Variants in MTREX observed in about 807,000 individuals in gnomAD.
MTREX encodes the protein Mtr4 exosome RNA helicase.
In MTREX, 76 loss-of-function variants were observed where a neutral mutation model predicts 135.4. That is an observed-to-expected ratio of 0.56 (90% CI 0.47 to 0.68). The LOEUF is 0.68. Ranked by LOEUF, MTREX falls within the 30% of genes least tolerant of loss-of-function variation. The pLI is 0.00. For missense variants in MTREX, 920 were observed against 1,262.1 expected, an observed-to-expected ratio of 0.73 and a Z score of 4.11; for synonymous variants, 404 against 401.6, an observed-to-expected ratio of 1.01 and a Z score of -0.07.
At chr5:55,374,469 A>T (rs1470614219) in intron 16 of MTREX, among the ~76,000 whole-genome samples, 1 of 151,790 alleles carries the variant, frequency 6.6e-6, no homozygotes, top group African/African-American at 2.4e-5. Context: ...TTATTTTTGT[A>T]GAGATGGAAT....
chr5:55,389,629 G>T (rs10054340), intron 19 of MTREX, among the ~76,000 whole-genome samples: 21,340 of 152,038 alleles, frequency 0.14, 1,894 homozygotes, highest in East Asian at 0.26. Context: ...GAAGTAGTGA[G>T]ATTTTAACAA....
At chr5:55,423,028 T>A in intron 26 of MTREX, 46 bp downstream of exon 26, 1 of 1,499,454 alleles carries the variant, frequency 6.7e-7, no homozygotes, top group Non-Finnish European at 9.2e-7. Context: ...ACAAATTTGG[T>A]GAAGCAAATC....
At chr5:55,422,459 A>G (rs1579907763) in intron 25 of MTREX, among the ~76,000 whole-genome samples, 1 of 152,266 alleles carries the variant, frequency 6.6e-6, no homozygotes, top group South Asian at 2.1e-4. Context: ...ATGCCTCACT[A>G]GGCCACACTC....
At chr5:55,403,000 C>G (rs968908894) in intron 21 of MTREX, among the ~76,000 whole-genome samples, 20 of 151,330 alleles carry the variant, frequency 1.3e-4, no homozygotes, top group African/African-American at 4.6e-4. Flanking sequence ...AAGTTTGAGA[C>G]CACCCTGGAC....
intron 15 of MTREX, among the ~76,000 whole-genome samples, chr5:55,360,021 C>T (rs1295485267): frequency 6.6e-6 from 1 of 152,138 alleles, no homozygotes; most frequent in African/African-American, 2.4e-5. Context: ...GTCACCATCA[C>T]CACAATCAAT....
intron 19 of MTREX, among the ~76,000 whole-genome samples, chr5:55,388,606 G>T (rs906943479): frequency 6.6e-6 from 1 of 152,172 alleles, no homozygotes; most frequent in Non-Finnish European, 1.5e-5. Flanking sequence ...ATGTAAGCCA[G>T]TGTAAGTGTT....
intron 12 of MTREX, 27 bp from the exon 13 acceptor site, chr5:55,350,891 TA>T: frequency 6.6e-7 from 1 of 1,516,792 alleles, no homozygotes; most frequent in Non-Finnish European, 9.0e-7. Context: ...CACATCATTA[TA>T]AAATCAGTGT....
At chr5:55,371,648 C>T (rs984100602) in intron 16 of MTREX, among the ~76,000 whole-genome samples, 6 of 152,092 alleles carry the variant, frequency 3.9e-5, no homozygotes, top group African/African-American at 1.4e-4. Context: ...AGTTAATTTG[C>T]TTCATAGTGG....
intron 16 of MTREX, among the ~76,000 whole-genome samples, chr5:55,368,210 G>C (rs1024066346): frequency 4.6e-5 from 7 of 152,030 alleles, no homozygotes; most frequent in African/African-American, 1.7e-4. Flanking sequence ...AGCACTTTGC[G>C]AGGCCCAGGG....
rs753067859 is a variant in MTREX at position 55,327,703 on chromosome 5, A to G, written c.340-13A>G. The G allele has an allele frequency of 4.4e-6, 7 of 1,601,078 alleles. No homozygotes were observed. Among genetic ancestry groups the G allele is most frequent in the Non-Finnish European group, 6.0e-6 (7 of 1,173,580 alleles). On this transcript the variant is annotated splice_polypyrimidine_tract_variant and intron_variant, in intron 3 of 26. Coordinates refer to ENST00000230640, the MANE Select transcript of MTREX (RefSeq NM_015360.5). ...TTGGTGAGGTTTTTTTTTCTTTTTTACTTTGTTGTCAGGTTGCACTTCCTG... is the reference window on the plus strand; with the variant it reads ...TTGGTGAGGTTTTTTTTTCTTTTTTGCTTTGTTGTCAGGTTGCACTTCCTG...
At chr5:55,417,972 C>T (rs963429432) in intron 25 of MTREX, among the ~76,000 whole-genome samples, 7 of 150,464 alleles carry the variant, frequency 4.7e-5, no homozygotes, top group Admixed American at 4.0e-4. Context: ...CGGTGGCTTA[C>T]GCCGGTAATC....
chr5:55,352,782 G>C (rs1198972612), intron 13 of MTREX, among the ~76,000 whole-genome samples: 1 of 152,112 alleles, frequency 6.6e-6, no homozygotes, highest in Non-Finnish European at 1.5e-5. Flanking sequence ...TCTTCCTTGA[G>C]AGATCTTCTA....
rs148934468 is a variant in MTREX at position 55,392,857 on chromosome 5, A to G, written c.2182-4559A>G. 1.5e-3 allele frequency among the ~76,000 whole-genome samples: 223 copies of G among 152,270 alleles called. 5 individuals carry two copies. The highest frequency in any genetic ancestry group is 5.8e-3 in the East Asian group (30 of 5,192). ...TAACCTGTTGTTTCTCCCAGCTGTC[A>G]TTCACAACCTCAGGCAGCCATGGTG... On this transcript the variant is annotated intron_variant, in intron 19 of 26. Transcript: ENST00000230640.
At chr5:55,401,277 C>A (rs767736638) in intron 21 of MTREX, among the ~76,000 whole-genome samples, 168 of 152,178 alleles carry the variant, frequency 1.1e-3, no homozygotes, top group Admixed American at 2.8e-3. Flanking sequence ...TCATATTATC[C>A]ACTTGCCTCA....
chr5:55,310,978 T>C (rs1374848550), intron 1 of MTREX, among the ~76,000 whole-genome samples: 1 of 152,070 alleles, frequency 6.6e-6, no homozygotes, highest in Non-Finnish European at 1.5e-5. Flanking sequence ...GGGTGTCTCA[T>C]AGTATGTTGC....
Position 55,400,245 on chromosome 5 carries a change from C to T in MTREX, c.2305C>T (p.Arg769Cys). Residue 769 changes from arginine (R) to cysteine (C), a missense_variant, in exon 21 of 27, where the codon CGT becomes TGT. Around this residue, in one of 6 missense-constraint regions of MTREX, gnomAD observed 467 missense variants for 589.7 expected, o/e 0.79. Transcript: ENST00000230640. ...VLKSIQEVQK[R>C]FPDGIPLLDP... ...ATATTTTTTTCAGGAAGTTCAGAAACGTTTTCCTGACGGCATCCCCTTATT... is the reference window on the plus strand; with the variant it reads ...ATATTTTTTTCAGGAAGTTCAGAAATGTTTTCCTGACGGCATCCCCTTATT... 2 of 1,550,452 alleles carry T rather than the reference C, an allele frequency of 1.3e-6. No individual in the cohort carries two copies. The highest frequency in any genetic ancestry group is 1.2e-5 in the South Asian group (1 of 81,390).
At chr5:55,354,597 T>C (rs1749880235) in intron 14 of MTREX, among the ~76,000 whole-genome samples, 1 of 152,198 alleles carries the variant, frequency 6.6e-6, no homozygotes, top group Non-Finnish European at 1.5e-5. Context: ...TTGGATGCTC[T>C]ACAAAAGAGG....
chr5:55,328,708 T>C lies in MTREX; in HGVS notation c.412T>C (p.Phe138Leu). The C allele has an allele frequency of 6.2e-7, 1 of 1,609,046 alleles. No individual in the cohort carries two copies. The highest frequency in any genetic ancestry group is 8.5e-7 in the Non-Finnish European group (1 of 1,175,642). Reference sequence around the variant, plus strand: ...TGTTTTGTTTTTATAGGAATACCCGTTCATTCTTGATGCTTTTCAAAGAGA... The same window carrying C: ...TGTTTTGTTTTTATAGGAATACCCGCTCATTCTTGATGCTTTTCAAAGAGA... ...RVGKAAKEYPFILDAFQREAI... is the reference protein window; with the variant it reads ...RVGKAAKEYPLILDAFQREAI... Residue 138 changes from phenylalanine (F) to leucine (L), a missense_variant, in exon 5 of 27, where the codon TTC (phenylalanine) becomes CTC (leucine). By Grantham distance (22) the Phe-to-Leu change is conservative. Transcript: ENST00000230640.
intron 1 of MTREX, among the ~76,000 whole-genome samples, chr5:55,321,680 C>G (rs1405941326): frequency 1.3e-5 from 2 of 148,278 alleles, no homozygotes; most frequent in Non-Finnish European, 3.0e-5. Flanking sequence ...GTGATCTCAG[C>G]TTACTGCAGC....
Sources: allele counts gnomAD v4.1 joint callset (sites outside exome capture counted in the v4.1 genomes callset), GRCh38; gene constraint gnomAD v4.1.1; regional missense constraint gnomAD v4.1.1; transcripts MANE v1.5; gene names NCBI Gene and HGNC (gene_info 2026-07-23, HGNC 2026-07-21).